VSNL1: variants seen among roughly 807,000 people sequenced by gnomAD.
The protein encoded by VSNL1 is visinin-like protein 1.
Under a neutral mutation model 20.4 loss-of-function variants are expected in VSNL1, and 6 were observed. The ratio of observed to expected loss-of-function variants is 0.29; its 90% confidence interval spans 0.16 to 0.58. The LOEUF (loss-of-function observed/expected upper bound fraction) is 0.58. Ranked by LOEUF, VSNL1 falls within the 20% of genes least tolerant of loss-of-function variation. The pLI, the probability that VSNL1 is intolerant of heterozygous loss-of-function variation, is 0.90. For missense variants in VSNL1, 100 were observed against 234.5 expected, an observed-to-expected ratio of 0.43 and a Z score of 3.75; for synonymous variants, 93 against 86.4, an observed-to-expected ratio of 1.08 and a Z score of -0.42.
At chr2:17,603,525 G>A (rs1664878183) in intron 2 of VSNL1, among the ~76,000 whole-genome samples, 1 of 152,194 alleles carries the variant, frequency 6.6e-6, no homozygotes, top group African/African-American at 2.4e-5. Flanking sequence ...TATCAGGCAG[G>A]AAGACAGGGG....
chr2:17,652,211 G>C (rs1420584869), intron 3 of VSNL1, among the ~76,000 whole-genome samples: 2 of 147,474 alleles, frequency 1.4e-5, no homozygotes, highest in African/African-American at 2.5e-5. Context: ...GAGGTTTCCA[G>C]AGGACTGAGG....
chr2:17,602,771 A>T (rs375568124), intron 2 of VSNL1, among the ~76,000 whole-genome samples: 39 of 90,522 alleles, frequency 4.3e-4, no homozygotes, highest in Non-Finnish European at 9.6e-4. Context: ...AATAAAATAA[A>T]AAAATAAAAT....
intron 1 of VSNL1, among the ~76,000 whole-genome samples, chr2:17,555,296 A>G (rs566750956): frequency 6.6e-6 from 1 of 152,308 alleles, no homozygotes; most frequent in South Asian, 2.1e-4. Context: ...TGAAAAGCCT[A>G]TTCTAATCAA....
chr2:17,636,417 C>A (rs894083882), intron 2 of VSNL1, among the ~76,000 whole-genome samples: 1 of 152,190 alleles, frequency 6.6e-6, no homozygotes, highest in Non-Finnish European at 1.5e-5. Flanking sequence ...CCATGACATG[C>A]ACATATTCCC....
At chr2:17,608,207 G>A (rs1249827068) in intron 2 of VSNL1, among the ~76,000 whole-genome samples, 1 of 152,232 alleles carries the variant, frequency 6.6e-6, no homozygotes, top group Non-Finnish European at 1.5e-5. Flanking sequence ...ATGCAAGGAA[G>A]ACCATAAAAG....
chr2:17,607,521 G>A (rs1276158976), intron 2 of VSNL1, among the ~76,000 whole-genome samples: 1 of 152,180 alleles, frequency 6.6e-6, no homozygotes, highest in African/African-American at 2.4e-5. Context: ...CCTTTGTAAA[G>A]AGAGGGAGTT....
At chr2:17,621,298 TTTTC>T (rs1481402959) in intron 2 of VSNL1, among the ~76,000 whole-genome samples, 2 of 148,650 alleles carry the variant, frequency 1.3e-5, no homozygotes, top group East Asian at 4.0e-4. Flanking sequence ...CTCTCTCTCT[TTTTC>T]TTTCTTTCTC....
At chr2:17,654,199 T>C (rs1016683537) in intron 3 of VSNL1, among the ~76,000 whole-genome samples, 21 of 152,380 alleles carry the variant, frequency 1.4e-4, no homozygotes, top group African/African-American at 4.8e-4. Flanking sequence ...TGGGCATTTA[T>C]TTTTAAAGCA....
intron 1 of VSNL1, among the ~76,000 whole-genome samples, chr2:17,584,935 G>A (rs943169323): frequency 2.6e-5 from 4 of 152,094 alleles, no homozygotes; most frequent in Non-Finnish European, 5.9e-5. Flanking sequence ...TTGATCCCTG[G>A]GGCCCACTTC....
At chr2:17,565,149 C>T (rs980980861) in intron 1 of VSNL1, among the ~76,000 whole-genome samples, 6 of 152,020 alleles carry the variant, frequency 3.9e-5, no homozygotes, top group Non-Finnish European at 8.8e-5. Flanking sequence ...TCATAGATGG[C>T]CGTTTGATTA....
intron 2 of VSNL1, among the ~76,000 whole-genome samples, chr2:17,594,372 T>C (rs931163226): frequency 6.6e-6 from 1 of 152,050 alleles, no homozygotes; most frequent in Non-Finnish European, 1.5e-5. Flanking sequence ...TCTAGAGTTG[T>C]CCAAGGACAG....
At chr2:17,607,237 G>C (rs1035711830) in intron 2 of VSNL1, among the ~76,000 whole-genome samples, 2 of 152,188 alleles carry the variant, frequency 1.3e-5, no homozygotes, top group African/African-American at 4.8e-5. Context: ...GTTGATCTGG[G>C]CCAGTTACAA....
intron 2 of VSNL1, among the ~76,000 whole-genome samples, chr2:17,602,537 G>A (rs1282019403): frequency 6.6e-6 from 1 of 152,172 alleles, no homozygotes; most frequent in African/African-American, 2.4e-5. Context: ...GAGGCCAGGA[G>A]TTTGAGACCA....
chr2:17,564,928 T>C (rs1407055536), intron 1 of VSNL1, among the ~76,000 whole-genome samples: 1 of 152,186 alleles, frequency 6.6e-6, no homozygotes, highest in Non-Finnish European at 1.5e-5. Context: ...TATACCAAAT[T>C]TGTATGTCAT....
At chr2:17,589,373 T>C (rs1664549156) in intron 1 of VSNL1, among the ~76,000 whole-genome samples, 1 of 152,170 alleles carries the variant, frequency 6.6e-6, no homozygotes, top group Non-Finnish European at 1.5e-5. Context: ...CAGAGGCTTT[T>C]AGAGAGTAGA....
At chr2:17,611,940 A>G (rs1039745705) in intron 2 of VSNL1, among the ~76,000 whole-genome samples, 3 of 152,182 alleles carry the variant, frequency 2.0e-5, no homozygotes, top group Admixed American at 6.5e-5. Context: ...TGTTCAGGGG[A>G]CTTTCTTTAT....
At chr2:17,643,327 TGCTGCTCTGG>T (rs1268004923) in intron 2 of VSNL1, among the ~76,000 whole-genome samples, 1 of 152,194 alleles carries the variant, frequency 6.6e-6, no homozygotes, top group African/African-American at 2.4e-5. Flanking sequence ...AAAGTGCAAG[TGCTGCTCTGG>T]GCTGATTCAT....
At chr2:17,574,486 A>AT (rs1214522411) in intron 1 of VSNL1, among the ~76,000 whole-genome samples, 1 of 151,736 alleles carries the variant, frequency 6.6e-6, no homozygotes, top group African/African-American at 2.4e-5. Context: ...TCTTATTCAG[A>AT]TTTTAGCTAA....
chr2:17,582,467 T>C (rs1664370744), intron 1 of VSNL1, among the ~76,000 whole-genome samples: 1 of 152,116 alleles, frequency 6.6e-6, no homozygotes, highest in Non-Finnish European at 1.5e-5. Context: ...AGGAAGCTAT[T>C]GTACTACTCA....
Sources: allele counts gnomAD v4.1 joint callset (sites outside exome capture counted in the v4.1 genomes callset), GRCh38; gene constraint gnomAD v4.1.1; transcripts MANE v1.5; gene names NCBI Gene and HGNC (gene_info 2026-07-23, HGNC 2026-07-21).